The following CBLB variants were observed in gnomAD, a reference collection of about 807,000 sequenced individuals.
CBLB encodes Cbl proto-oncogene B, also known as E3 ubiquitin-protein ligase CBL-B.
A neutral mutation model predicts 104.9 loss-of-function variants in CBLB; 31 were observed. That is an observed-to-expected ratio of 0.30 (90% CI 0.22 to 0.40). CBLB has a LOEUF of 0.40. Ranked by LOEUF, CBLB falls within the 10% of genes least tolerant of loss-of-function variation. CBLB has a pLI of 1.00. For synonymous variants in CBLB, 440 were observed against 422.6 expected (o/e 1.04, Z -0.51); for missense variants, 1,062 against 1,214.6 (o/e 0.87, Z 1.87).
intron 3 of CBLB, among the ~76,000 whole-genome samples, chr3:105,826,150 G>A (rs13084271): frequency 0.42 from 62,955 of 151,626 alleles, 13,152 homozygotes; most frequent in South Asian, 0.49. Flanking sequence ...TTGTTTATGG[G>A]GACTCAAGTT....
At chr3:105,774,917 G>A (rs987282117) in intron 4 of CBLB, among the ~76,000 whole-genome samples, 8 of 152,022 alleles carry the variant, frequency 5.3e-5, no homozygotes, top group African/African-American at 9.7e-5. Flanking sequence ...GAAGGTTACC[G>A]ACTGTTTGAA....
At chr3:105,734,529 A>G (rs1370082546) in intron 8 of CBLB, among the ~76,000 whole-genome samples, 1 of 107,402 alleles carries the variant, frequency 9.3e-6, no homozygotes, top group Non-Finnish European at 2.2e-5. Flanking sequence ...TAACTGTCAA[A>G]TTGAAAAAAA....
chr3:105,852,581 A>T (rs1471245000), intron 3 of CBLB, among the ~76,000 whole-genome samples: 1 of 152,168 alleles, frequency 6.6e-6, no homozygotes, highest in Non-Finnish European at 1.5e-5. Context: ...TTATAAATTT[A>T]GTGTAGCCTA....
chr3:105,767,685 C>T (rs1052672754), intron 4 of CBLB, among the ~76,000 whole-genome samples: 5 of 150,774 alleles, frequency 3.3e-5, no homozygotes, highest in Non-Finnish European at 7.4e-5. Flanking sequence ...GTTAATTATT[C>T]CACAAAATAG....
At chr3:105,742,455 G>A (rs904615283) in intron 6 of CBLB, among the ~76,000 whole-genome samples, 9 of 152,018 alleles carry the variant, frequency 5.9e-5, no homozygotes, top group African/African-American at 2.2e-4. Context: ...AGAATCTTTG[G>A]AAAGAACTTT....
intron 2 of CBLB, among the ~76,000 whole-genome samples, chr3:105,859,818 T>C (rs1385697941): frequency 2.0e-5 from 3 of 151,870 alleles, no homozygotes; most frequent in Non-Finnish European, 4.4e-5. Flanking sequence ...ATGCAGCAAA[T>C]AATTACTAAA....
At chr3:105,746,294 C>T (rs1366737309) in intron 5 of CBLB, among the ~76,000 whole-genome samples, 1 of 152,180 alleles carries the variant, frequency 6.6e-6, no homozygotes, top group South Asian at 2.1e-4. Flanking sequence ...ACCACAAAAT[C>T]TCTTCTCTAC....
At chr3:105,751,928 T>C (rs558382028) in intron 4 of CBLB, among the ~76,000 whole-genome samples, 1 of 152,346 alleles carries the variant, frequency 6.6e-6, no homozygotes, top group African/African-American at 2.4e-5. Context: ...TGTCATGACC[T>C]CTTCATGTGT....
chr3:105,719,469 G>A (rs1473588199), intron 10 of CBLB, among the ~76,000 whole-genome samples: 1 of 152,186 alleles, frequency 6.6e-6, no homozygotes, highest in African/African-American at 2.4e-5. Context: ...ACATCATGGT[G>A]ATCCTATAAG....
intron 10 of CBLB, among the ~76,000 whole-genome samples, chr3:105,710,864 G>A (rs985632188): frequency 6.6e-6 from 1 of 151,848 alleles, no homozygotes; most frequent in Admixed American, 6.6e-5. Context: ...CTACCACGAG[G>A]AACAGAGAAA....
intron 3 of CBLB, among the ~76,000 whole-genome samples, chr3:105,819,510 G>A (rs1271792719): frequency 6.6e-6 from 1 of 151,440 alleles, no homozygotes; most frequent in East Asian, 1.9e-4. Context: ...AAGAAAGAAA[G>A]AAAAACCATA....
intron 10 of CBLB, among the ~76,000 whole-genome samples, chr3:105,711,696 G>A (rs570108397): frequency 6.6e-6 from 1 of 152,164 alleles, no homozygotes; most frequent in African/African-American, 2.4e-5. Context: ...GAGAAACCCA[G>A]AATGAAACAG....
intron 3 of CBLB, among the ~76,000 whole-genome samples, chr3:105,832,614 A>C (rs144375991): frequency 8.5e-5 from 13 of 152,344 alleles, no homozygotes; most frequent in Non-Finnish European, 4.4e-5. Context: ...ATCACTATTA[A>C]ATTTCTTTTT....
chr3:105,680,380 T>G (rs2152725149), intron 16 of CBLB, among the ~76,000 whole-genome samples: 1 of 152,344 alleles, frequency 6.6e-6, no homozygotes, highest in East Asian at 1.9e-4. Flanking sequence ...TATTTAAATT[T>G]AATGAAAAGT....
chr3:105,809,677 C>T (rs960463340), intron 3 of CBLB, among the ~76,000 whole-genome samples: 2 of 152,122 alleles, frequency 1.3e-5, no homozygotes, highest in African/African-American at 4.8e-5. Context: ...TATGTATAAA[C>T]CCCAAGCTGC....
At chr3:105,733,914 C>G in intron 9 of CBLB, 95 bp downstream of exon 9, 1 of 1,164,834 alleles carries the variant, frequency 8.6e-7, no homozygotes, top group Non-Finnish European at 1.3e-6. Flanking sequence ...AAACAAAGCA[C>G]TTACCAGCAT....
chr3:105,747,467 G>A lies in CBLB; in HGVS notation c.724-1429C>T, dbSNP rs531228099. ...TAACAAAGAATGATTTAGTAATAATGAAGTTTTTTAGCCTTTTTCAACATA... is the reference window on the plus strand; with the variant it reads ...TAACAAAGAATGATTTAGTAATAATAAAGTTTTTTAGCCTTTTTCAACATA... On this transcript the variant is annotated intron_variant, in intron 5 of 18. Transcript: ENST00000394030. Among the ~76,000 whole-genome samples the A allele has an allele frequency of 2.2e-4, 33 of 152,232 alleles. 2 individuals carry two copies. The East Asian group carries it at 6.4e-3, about 29-fold the overall frequency.
intron 10 of CBLB, among the ~76,000 whole-genome samples, chr3:105,715,353 T>A (rs747462876): frequency 8.5e-5 from 13 of 152,194 alleles, no homozygotes; most frequent in South Asian, 6.2e-4. Context: ...AGAGAGGGAA[T>A]CAAAAAGTAT....
intron 12 of CBLB, among the ~76,000 whole-genome samples, chr3:105,695,433 AAC>A (rs2068245248): frequency 6.6e-6 from 1 of 151,818 alleles, no homozygotes; most frequent in Non-Finnish European, 1.5e-5. Flanking sequence ...AAATACTAAT[AAC>A]AGAGTTTGCA....
Sources: gnomAD v4.1 joint callset for allele counts (sites outside exome capture counted in the v4.1 genomes callset) on GRCh38, gnomAD v4.1.1 for gene constraint, MANE v1.5 for transcripts, NCBI Gene and HGNC (gene_info 2026-07-23, HGNC 2026-07-21) for gene names.